COL4A5: variants seen among roughly 807,000 people sequenced by gnomAD.
The protein encoded by COL4A5 is collagen type IV alpha 5 chain.
In COL4A5, 26 loss-of-function variants were observed where a neutral mutation model predicts 130.2. The observed-to-expected ratio is 0.20, with a 90% confidence interval of 0.15 to 0.28. The LOEUF (loss-of-function observed/expected upper bound fraction) is 0.28. COL4A5 is among the 10% of genes least tolerant of loss of function. The pLI, the probability that COL4A5 is intolerant of heterozygous loss-of-function variation, is 1.00. For missense variants in COL4A5, 1,131 were observed against 1,344.3 expected, an observed-to-expected ratio of 0.84 and a Z score of 2.48; for synonymous variants, 496 against 439.6, an observed-to-expected ratio of 1.13 and a Z score of -1.60.
intron 1 of COL4A5, among the ~76,000 whole-genome samples, chrX:108,451,905 C>T (rs755360779): frequency 5.7e-4 from 64 of 111,770 alleles, no homozygotes; most frequent in African/African-American, 2.1e-3. Context: ...GTGTTTTAGA[C>T]ATGAAGTCCT....
chrX:108,545,143 T>C (rs772525389), intron 2 of COL4A5, among the ~76,000 whole-genome samples: 93 of 111,964 alleles, frequency 8.3e-4, no homozygotes, highest in African/African-American at 3.0e-3. Flanking sequence ...TTTCTTGCCT[T>C]CTGCTAGCTT....
chrX:108,442,291 G>A (rs1037895165), intron 1 of COL4A5, among the ~76,000 whole-genome samples: 2 of 111,408 alleles, frequency 1.8e-5, no homozygotes, highest in African/African-American at 6.5e-5. Flanking sequence ...TCTTTTATAG[G>A]TAAATGATTT....
At chrX:108,456,820 G>A (rs190397537) in intron 1 of COL4A5, among the ~76,000 whole-genome samples, 6 of 111,811 alleles carry the variant, frequency 5.4e-5, no homozygotes, top group Admixed American at 4.7e-4. Flanking sequence ...GAGCTCAGCC[G>A]AGCTGCTAGG....
intron 1 of COL4A5, among the ~76,000 whole-genome samples, chrX:108,502,853 T>G (rs1305549242): frequency 4.8e-4 from 54 of 111,963 alleles, no homozygotes; most frequent in Non-Finnish European, 2.1e-4. Flanking sequence ...TTGGACTTTT[T>G]ATGGTTTTAT....
chrX:108,670,328 G>C (rs747966082), intron 42 of COL4A5, 92 bp downstream of exon 42: 2 of 1,177,282 alleles, frequency 1.7e-6, no homozygotes, highest in African/African-American at 3.6e-5. Flanking sequence ...TGTATTTTAA[G>C]AGCATATGTG....
At chrX:108,512,075 A>C (rs2065184233) in intron 1 of COL4A5, among the ~76,000 whole-genome samples, 2 of 112,290 alleles carry the variant, frequency 1.8e-5, no homozygotes, top group Non-Finnish European at 3.8e-5. Context: ...TGCAGAAACC[A>C]ATACACTTTC....
At chrX:108,613,270 TC>T (rs2066867717) in intron 29 of COL4A5, among the ~76,000 whole-genome samples, 1 of 111,981 alleles carries the variant, frequency 8.9e-6, no homozygotes, top group South Asian at 3.7e-4. Flanking sequence ...TGTCACATAT[TC>T]TTTTTTAAAC....
At chrX:108,672,127 C>T (rs1178248168) in intron 42 of COL4A5, among the ~76,000 whole-genome samples, 2 of 111,967 alleles carry the variant, frequency 1.8e-5, no homozygotes, top group Non-Finnish European at 3.8e-5. Context: ...CCTCCATCAA[C>T]CAGATTGCTT....
At chrX:108,669,699 G>T (rs1429779431) in intron 41 of COL4A5, among the ~76,000 whole-genome samples, 2 of 111,664 alleles carry the variant, frequency 1.8e-5, no homozygotes, top group Non-Finnish European at 3.8e-5. Flanking sequence ...TCATCACTGT[G>T]GTTATTCGTT....
rs184771572 is a variant in COL4A5, at chrX:108,671,013, G to T, written c.3799+777G>T. Among the ~76,000 whole-genome samples the T allele has an allele frequency of 1.1e-4, 12 of 111,058 alleles. No individual in the cohort carries two copies. In the East Asian group the frequency reaches 3.4e-3, roughly 31 times the overall value. On this transcript the variant is annotated intron_variant, in intron 42 of 52. Transcript: ENST00000328300. ...GCTGAGATTGCACCACTGCACCGCA[G>T]CCAGGGCGAGACTAATAGGCACAGA...
At chrX:108,692,661 T>G (rs960185000) in intron 49 of COL4A5, 87 bp from the exon 50 acceptor site, 1 of 908,628 alleles carries the variant, frequency 1.1e-6, no homozygotes, top group African/African-American at 2.0e-5. Flanking sequence ...GCAAGTTTCC[T>G]TGAAAGGCTG....
At chrX:108,469,157 C>T (rs183096450) in intron 1 of COL4A5, among the ~76,000 whole-genome samples, 75 of 76,340 alleles carry the variant, frequency 9.8e-4, no homozygotes, top group African/African-American at 2.8e-3. Context: ...ATAGTATTTT[C>T]TCTCTCTCTC....
intron 29 of COL4A5, among the ~76,000 whole-genome samples, chrX:108,608,681 T>C (rs2066776325): frequency 9.0e-6 from 1 of 111,594 alleles, no homozygotes; most frequent in Non-Finnish European, 1.9e-5. Context: ...TCACATTAAA[T>C]GAGATACATA....
At chrX:108,564,778 G>A (rs768244713) in intron 4 of COL4A5, among the ~76,000 whole-genome samples, 52 of 111,579 alleles carry the variant, frequency 4.7e-4, no homozygotes, top group Admixed American at 3.8e-3. Flanking sequence ...GCATGTTTAC[G>A]TGTGTGACAA....
At chrX:108,627,484 T>C (rs2067174557) in intron 36 of COL4A5, 1 of 741,769 alleles carries the variant, frequency 1.3e-6, no homozygotes, top group African/African-American at 2.3e-5. Flanking sequence ...ACTTACCCCT[T>C]TTTATTTCTT....
intron 1 of COL4A5, among the ~76,000 whole-genome samples, chrX:108,476,525 T>C (rs1471014047): frequency 2.0e-5 from 2 of 99,810 alleles, no homozygotes; most frequent in African/African-American, 3.7e-5. Context: ...TGTTCTTTTT[T>C]TTTTTTTTTT....
At chrX:108,688,198 G>A (rs28372424) in intron 49 of COL4A5, among the ~76,000 whole-genome samples, 11,602 of 111,270 alleles carry the variant, frequency 0.1, 1,307 homozygotes, top group African/African-American at 0.34. Context: ...ATAAAGTATT[G>A]CTGGAGTCAT....
intron 2 of COL4A5, among the ~76,000 whole-genome samples, chrX:108,548,198 G>A (rs539060172): frequency 1.0e-3 from 117 of 112,006 alleles, no homozygotes; most frequent in African/African-American, 3.3e-3. Context: ...CTTCTGCATC[G>A]CTCACGCTGG....
At chrX:108,600,622 A>G (rs868496337) in intron 25 of COL4A5, among the ~76,000 whole-genome samples, 34 of 101,192 alleles carry the variant, frequency 3.4e-4, no homozygotes, top group African/African-American at 1.3e-3. Context: ...ACCAATAAAA[A>G]GGATGGACAG....
Sources: gnomAD v4.1 joint callset for allele counts (sites outside exome capture counted in the v4.1 genomes callset) on GRCh38, gnomAD v4.1.1 for gene constraint, MANE v1.5 for transcripts, NCBI Gene and HGNC (gene_info 2026-07-23, HGNC 2026-07-21) for gene names.